ZBBX: variants seen among roughly 807,000 people sequenced by gnomAD.
ZBBX encodes zinc finger B-box domain-containing protein 1.
A neutral mutation model predicts 108.5 loss-of-function variants in ZBBX; 101 were observed. That is an observed-to-expected ratio of 0.93 (90% CI 0.79 to 1.10). The LOEUF (loss-of-function observed/expected upper bound fraction) is 1.10. Ranked by LOEUF, ZBBX falls within the 50% of genes least tolerant of loss-of-function variation. The pLI, the probability that ZBBX is intolerant of heterozygous loss-of-function variation, is 0.00. For synonymous variants in ZBBX, 356 were observed against 323.4 expected (o/e 1.10, Z -1.08); for missense variants, 1,009 against 941.4 (o/e 1.07, Z -0.94).
chr3:167,316,468 G>T lies in ZBBX; in HGVS notation c.1194+537C>A, dbSNP rs139718322. 2.1e-4 allele frequency among the ~76,000 whole-genome samples: 32 copies of T among 152,158 alleles called. No homozygotes were observed. In the East Asian group the frequency reaches 6.0e-3, roughly 28 times the overall value. ...TATCACACCCTAAACCTTCAGTCCA[G>T]AGCTCTAGCTCTGACAGGGTCTGGC... On this transcript the variant is annotated intron_variant, in intron 14 of 21. Coordinates refer to ENST00000675490, the MANE Select transcript of ZBBX (RefSeq NM_001199201.2).
intron 4 of ZBBX, among the ~76,000 whole-genome samples, chr3:167,369,630 A>G (rs1322082077): frequency 6.6e-6 from 1 of 152,194 alleles, no homozygotes; most frequent in Non-Finnish European, 1.5e-5. Context: ...GTGAAATACA[A>G]TGGAGCTTCC....
chr3:167,344,855 A>G (rs939196675), intron 9 of ZBBX, among the ~76,000 whole-genome samples: 6 of 151,800 alleles, frequency 4.0e-5, no homozygotes, highest in Non-Finnish European at 7.4e-5. Flanking sequence ...GTAATTTGCC[A>G]AGTAGAGGTT....
chr3:167,185,311 C>T, the ZBBX span, among the ~76,000 whole-genome samples: 1 of 152,132 alleles, frequency 6.6e-6, no homozygotes, highest in African/African-American at 2.4e-5. Context: ...AACATCCTTT[C>T]GGAAGTAAAA....
At chr3:167,180,322 G>T in the ZBBX span, among the ~76,000 whole-genome samples, 1 of 152,204 alleles carries the variant, frequency 6.6e-6, no homozygotes, top group Non-Finnish European at 1.5e-5. Context: ...AATGCCTAGA[G>T]CAGGTCGTAT....
At chr3:167,350,066 A>G (rs1407876321) in intron 9 of ZBBX, among the ~76,000 whole-genome samples, 1 of 152,014 alleles carries the variant, frequency 6.6e-6, no homozygotes, top group Non-Finnish European at 1.5e-5. Context: ...TAAGAGATTT[A>G]TACCTAAAAA....
At chr3:167,378,237 T>A (rs1399153666) in intron 2 of ZBBX, among the ~76,000 whole-genome samples, 3 of 152,192 alleles carry the variant, frequency 2.0e-5, no homozygotes, top group African/African-American at 7.2e-5. Context: ...AAACAAGATA[T>A]CTGATAGTAA....
At chr3:167,242,690 C>A in intron 20 of ZBBX, 47 bp from the exon 21 acceptor site, 1 of 1,560,750 alleles carries the variant, frequency 6.4e-7, no homozygotes. Flanking sequence ...ATTCAAGAAA[C>A]AAATATACAG....
chr3:167,292,028 C>G (rs917610108), intron 18 of ZBBX, among the ~76,000 whole-genome samples: 1 of 152,076 alleles, frequency 6.6e-6, no homozygotes, highest in Non-Finnish European at 1.5e-5. Flanking sequence ...TGTATGCACC[C>G]AACACAGGAG....
chr3:167,291,993 CA>C (rs1266710883), intron 18 of ZBBX, among the ~76,000 whole-genome samples: 8 of 152,152 alleles, frequency 5.3e-5, no homozygotes, highest in African/African-American at 1.9e-4. Flanking sequence ...ATCAATGCAA[CA>C]AGAAGAGTTA....
chr3:167,384,552 C>T (rs1260120289), upstream of ZBBX, among the ~76,000 whole-genome samples: 6 of 151,906 alleles, frequency 3.9e-5, no homozygotes, highest in Non-Finnish European at 8.8e-5. Flanking sequence ...GCTCTAGTTA[C>T]TTAGGAGACA....
chr3:167,400,642 A>G (rs1352582752), intron 1 of ZBBX, among the ~76,000 whole-genome samples: 1 of 152,006 alleles, frequency 6.6e-6, no homozygotes, highest in Non-Finnish European at 1.5e-5. Context: ...TAGAAAGTTT[A>G]TTTTGCCAAG....
intron 20 of ZBBX, chr3:167,248,607 C>G (rs778231129): frequency 2.2e-6 from 1 of 456,568 alleles, no homozygotes; most frequent in African/African-American, 2.0e-5. Flanking sequence ...CTCTAAAATA[C>G]CTTTTCAGTC....
Position 167,240,633 on chromosome 3 carries a change from T to G in ZBBX, c.*160A>C. The stretch of plus-strand genomic sequence containing the variant: ...ATATATCATTGGAAGAATAAGCCCT[T>G]GAACTTATAATTTTACTTTTATTAG... On this transcript the variant is annotated 3_prime_UTR_variant, in exon 22 of 22. Transcript: ENST00000675490. The G allele has an allele frequency of 1.4e-6, 1 of 732,770 alleles. No homozygotes were observed. Among genetic ancestry groups the G allele is most frequent in the Non-Finnish European group, 2.1e-6 (1 of 470,836 alleles). The allele number at this position is 732,770 out of a possible 1,614,324, so 45.4% of individuals were successfully genotyped here.
chr3:167,220,950 A>C, the ZBBX span, among the ~76,000 whole-genome samples: 1 of 151,996 alleles, frequency 6.6e-6, no homozygotes, highest in Non-Finnish European at 1.5e-5. Context: ...AAATCAAGAA[A>C]GTAATGCTAT....
the ZBBX span, among the ~76,000 whole-genome samples, chr3:167,223,300 T>C: frequency 6.6e-6 from 1 of 151,964 alleles, no homozygotes; most frequent in Non-Finnish European, 1.5e-5. Context: ...GAAGGTCTTA[T>C]TTCTTCTTAA....
At chr3:167,277,420 G>C (rs1219340163) in intron 20 of ZBBX, among the ~76,000 whole-genome samples, 1 of 151,268 alleles carries the variant, frequency 6.6e-6, no homozygotes, top group Admixed American at 6.6e-5. Context: ...CAAGCAAATG[G>C]AAAACAAAAA....
intron 18 of ZBBX, among the ~76,000 whole-genome samples, chr3:167,290,542 C>T (rs1032358519): frequency 2.0e-5 from 3 of 152,140 alleles, no homozygotes; most frequent in Non-Finnish European, 4.4e-5. Context: ...TCAGAGACCC[C>T]ATCTGAAGGT....
intron 13 of ZBBX, 75 bp downstream of exon 13, chr3:167,317,413 A>C: frequency 8.8e-7 from 1 of 1,142,374 alleles, no homozygotes; most frequent in South Asian, 1.6e-5. Flanking sequence ...AACCAAAAGC[A>C]GATTCTGATT....
At chr3:167,191,714 C>T in the ZBBX span, among the ~76,000 whole-genome samples, 37 of 151,828 alleles carry the variant, frequency 2.4e-4, no homozygotes, top group African/African-American at 8.0e-4. Flanking sequence ...TCTGGTATGT[C>T]TTTATCAGCA....
Sources: gnomAD v4.1 joint callset for allele counts (sites outside exome capture counted in the v4.1 genomes callset) on GRCh38, gnomAD v4.1.1 for gene constraint, MANE v1.5 for transcripts, NCBI Gene and HGNC (gene_info 2026-07-23, HGNC 2026-07-21) for gene names.